TMEM123: variants seen among roughly 807,000 people sequenced by gnomAD.
TMEM123 encodes the protein transmembrane protein 123, also known as porimin.
A neutral mutation model predicts 19.7 loss-of-function variants in TMEM123; 16 were observed. The ratio of observed to expected loss-of-function variants is 0.81; its 90% CI spans 0.55 to 1.23. TMEM123 has a LOEUF of 1.23. Ranked by LOEUF, TMEM123 falls within the 50% of genes most tolerant of loss-of-function variation. The pLI is 0.00. For synonymous variants in TMEM123, 118 were observed against 99.4 expected (o/e 1.19, Z -1.12); for missense variants, 313 against 257.8 (o/e 1.21, Z -1.47).
intron 2 of TMEM123, among the ~76,000 whole-genome samples, chr11:102,438,865 T>C (rs1047995248): frequency 3.3e-5 from 5 of 152,142 alleles, no homozygotes; most frequent in Non-Finnish European, 5.9e-5. Flanking sequence ...AGACAGTACC[T>C]AGAAAATCGG....
intron 2 of TMEM123, among the ~76,000 whole-genome samples, chr11:102,407,214 G>C (rs1175524985): frequency 1.3e-5 from 2 of 152,222 alleles, no homozygotes; most frequent in Non-Finnish European, 2.9e-5. Flanking sequence ...CTTTGCCACT[G>C]CAAGGCTTCT....
At chr11:102,438,158 T>C (rs760433021) in intron 2 of TMEM123, among the ~76,000 whole-genome samples, 6 of 152,272 alleles carry the variant, frequency 3.9e-5, no homozygotes, top group Non-Finnish European at 5.9e-5. Flanking sequence ...GGATCATGCA[T>C]TCTCCTGCCT....
intron 2 of TMEM123, among the ~76,000 whole-genome samples, chr11:102,443,748 A>C (rs1038762964): frequency 3.3e-5 from 5 of 152,246 alleles, no homozygotes; most frequent in Non-Finnish European, 5.9e-5. Context: ...CTACCATCAG[A>C]GTGAACAAGC....
At chr11:102,433,618 G>A (rs1857734401) in intron 2 of TMEM123, among the ~76,000 whole-genome samples, 1 of 151,824 alleles carries the variant, frequency 6.6e-6, no homozygotes, top group Admixed American at 6.6e-5. Context: ...CTGTTGGGAA[G>A]GCATCAAGTC....
At chr11:102,443,922 G>A (rs1208773153) in intron 2 of TMEM123, among the ~76,000 whole-genome samples, 1 of 152,144 alleles carries the variant, frequency 6.6e-6, no homozygotes, top group Admixed American at 6.5e-5. Flanking sequence ...AGACATTTAG[G>A]TAGCCAACAG....
intron 2 of TMEM123, among the ~76,000 whole-genome samples, chr11:102,419,339 T>C (rs576740932): frequency 6.6e-6 from 1 of 152,330 alleles, no homozygotes; most frequent in South Asian, 2.1e-4. Flanking sequence ...TCAACATCAA[T>C]TGTCAAACCA....
chr11:102,431,199 CATG>C (rs1346974008), intron 2 of TMEM123, among the ~76,000 whole-genome samples: 10 of 152,066 alleles, frequency 6.6e-5, no homozygotes, highest in Non-Finnish European at 1.3e-4. Flanking sequence ...TGGTGTACAA[CATG>C]ATATTTTGAT....
At chr11:102,404,875 C>T (rs181291505) in intron 2 of TMEM123, among the ~76,000 whole-genome samples, 23 of 152,280 alleles carry the variant, frequency 1.5e-4, no homozygotes, top group African/African-American at 5.3e-4. Flanking sequence ...GCTGGGATTA[C>T]AGGCTAAGCC....
chr11:102,431,848 TC>T (rs1458524260), intron 2 of TMEM123, among the ~76,000 whole-genome samples: 1 of 152,104 alleles, frequency 6.6e-6, no homozygotes, highest in Non-Finnish European at 1.5e-5. Context: ...CCCATGCTGT[TC>T]CCATGATAGT....
At chr11:102,448,540 A>G (rs1302016074) in intron 2 of TMEM123, among the ~76,000 whole-genome samples, 2 of 152,220 alleles carry the variant, frequency 1.3e-5, no homozygotes, top group African/African-American at 2.4e-5. Context: ...ACATCTAAAA[A>G]TGTGCTTCAA....
At chr11:102,410,846 CA>C (rs1951998047) in intron 2 of TMEM123, among the ~76,000 whole-genome samples, 1 of 152,128 alleles carries the variant, frequency 6.6e-6, no homozygotes, top group Admixed American at 6.5e-5. Context: ...ATATGTATGC[CA>C]GGGGCCAGTT....
chr11:102,442,483 A>G (rs1344901655), intron 2 of TMEM123, among the ~76,000 whole-genome samples: 1 of 152,230 alleles, frequency 6.6e-6, no homozygotes, highest in African/African-American at 2.4e-5. Context: ...AAGGCCTTCA[A>G]CAAAATTCAA....
At chr11:102,403,920 G>A (rs1000265054) in intron 2 of TMEM123, among the ~76,000 whole-genome samples, 10 of 152,086 alleles carry the variant, frequency 6.6e-5, no homozygotes, top group African/African-American at 1.9e-4. Context: ...GCCATGTTGT[G>A]GCACAGCTTT....
chr11:102,404,289 TTTATTTAAC>T (rs752842381), intron 2 of TMEM123, among the ~76,000 whole-genome samples: 15 of 152,208 alleles, frequency 9.9e-5, no homozygotes, highest in Non-Finnish European at 1.8e-4. Context: ...TATTTATTTA[TTTATTTAAC>T]TTAGAGACAA....
chr11:102,425,403 G>A (rs1177722931), intron 2 of TMEM123, among the ~76,000 whole-genome samples: 1 of 152,000 alleles, frequency 6.6e-6, no homozygotes, highest in Non-Finnish European at 1.5e-5. Context: ...GGTTGGCTTG[G>A]ACCTTCTTTT....
chr11:102,424,221 G>A (rs1004822016), intron 2 of TMEM123, among the ~76,000 whole-genome samples: 36 of 152,210 alleles, frequency 2.4e-4, no homozygotes, highest in Middle Eastern at 3.4e-3. Context: ...AGACCCCTAC[G>A]TATTTATAAA....
In TMEM123 at chr11:102,401,971, G is replaced by T. The variant is rs1392083786; in HGVS notation, c.393C>A (p.Ser131=). The T allele has an allele frequency of 6.2e-7, 1 of 1,614,138 alleles. No homozygotes were observed. Among genetic ancestry groups the T allele is most frequent in the South Asian group, 1.1e-5 (1 of 91,072 alleles). ...VSQNTSQIST[S]TMTVTHNSSV... ...AACTATTGTGGGTTACGGTCATTGT[G>T]GATGTTGATATCTGAGATGTGTTCT... is the stretch of plus-strand genomic sequence containing the variant. Residue 131 remains serine (S), a synonymous_variant, in exon 3 of 5, where the codon TCC becomes TCA. Coordinates refer to ENST00000398136, the MANE Select transcript of TMEM123 (RefSeq NM_052932.3).
Position 102,409,140 on chromosome 11 carries a change from C to A in TMEM123, c.158-6934G>T, listed in dbSNP as rs567602603. On this transcript the variant is annotated intron_variant, in intron 2 of 4. Coordinates refer to ENST00000398136, the MANE Select transcript of TMEM123 (RefSeq NM_052932.3). ...TAAACCAGAGTTGAAAATACACATC[C>A]AATTTTTAAAAATCTCAGTTATTTT... Among the ~76,000 whole-genome samples the A allele has an allele frequency of 5.3e-5, 8 of 152,172 alleles. No homozygotes were observed. The South Asian group carries it at 1.7e-3, about 32-fold the overall frequency.
At chr11:102,435,731 A>G (rs746375884) in intron 2 of TMEM123, among the ~76,000 whole-genome samples, 1 of 151,948 alleles carries the variant, frequency 6.6e-6, no homozygotes, top group Non-Finnish European at 1.5e-5. Context: ...CATAGCGTGA[A>G]TTGTGTGGCC....
Sources: allele counts gnomAD v4.1 joint callset (sites outside exome capture counted in the v4.1 genomes callset), GRCh38; gene constraint gnomAD v4.1.1; transcripts MANE v1.5; gene names NCBI Gene and HGNC (gene_info 2026-07-23, HGNC 2026-07-21).